The following PSMA6 variants were observed in gnomAD, a reference collection of about 807,000 sequenced individuals.
PSMA6 encodes proteasome subunit alpha type-6.
For missense variants in PSMA6, 170 were observed against 294.8 expected (o/e 0.58, Z 3.10); for synonymous variants, 88 against 97.7 (o/e 0.90, Z 0.59).
At chr14:35,279,277 C>T (rs1185155178) in intron 1 of PSMA6, among the ~76,000 whole-genome samples, 1 of 152,078 alleles carries the variant, frequency 6.6e-6, no homozygotes, top group Non-Finnish European at 1.5e-5. Flanking sequence ...GAACTCCAGA[C>T]CTCAGGTGAT....
At chr14:35,308,732 A>G (rs2051881213) in intron 2 of PSMA6, 182 bp from the exon 3 acceptor site, 2 of 510,422 alleles carry the variant, frequency 3.9e-6, no homozygotes, top group East Asian at 6.9e-5. Context: ...GAGCCCCTCG[A>G]AACTAAAATT....
chr14:35,299,175 C>T (rs1048539698), intron 1 of PSMA6, among the ~76,000 whole-genome samples: 4 of 151,848 alleles, frequency 2.6e-5, no homozygotes, highest in African/African-American at 9.7e-5. Flanking sequence ...TACAGGTATA[C>T]ACCACCATGC....
intron 1 of PSMA6, among the ~76,000 whole-genome samples, chr14:35,293,589 G>T (rs2051528950): frequency 6.6e-6 from 1 of 152,160 alleles, no homozygotes; most frequent in Admixed American, 6.6e-5. Flanking sequence ...TAGAAATAGA[G>T]TTAAAGATAA....
At chr14:35,313,221 T>G in intron 5 of PSMA6, 162 bp downstream of exon 5, 1 of 629,354 alleles carries the variant, frequency 1.6e-6, no homozygotes. Context: ...AAAATTTGAG[T>G]TGCTTTTATT....
At chr14:35,296,211 A>G (rs1394377397) in intron 1 of PSMA6, among the ~76,000 whole-genome samples, 1 of 152,222 alleles carries the variant, frequency 6.6e-6, no homozygotes, top group Non-Finnish European at 1.5e-5. Context: ...TGTAAAATAA[A>G]GATAATAACC....
chr14:35,301,275 C>A (rs10134368), intron 1 of PSMA6, among the ~76,000 whole-genome samples: 2 of 152,066 alleles, frequency 1.3e-5, no homozygotes, highest in African/African-American at 2.4e-5. Flanking sequence ...GAGGCCGAGG[C>A]GGGTGGATCA....
At chr14:35,284,165 C>G (rs1038090757) in intron 1 of PSMA6, among the ~76,000 whole-genome samples, 1 of 152,064 alleles carries the variant, frequency 6.6e-6, no homozygotes, top group South Asian at 2.1e-4. Context: ...TACCCTAATC[C>G]AAAACATTTT....
chr14:35,304,929 T>G (rs2051796016), intron 1 of PSMA6, among the ~76,000 whole-genome samples: 1 of 152,016 alleles, frequency 6.6e-6, no homozygotes, highest in South Asian at 2.1e-4. Flanking sequence ...AAAATTGTTT[T>G]AAATTAGGCA....
intron 1 of PSMA6, among the ~76,000 whole-genome samples, chr14:35,298,444 C>G (rs554554881): frequency 1.5e-4 from 23 of 151,556 alleles, no homozygotes; most frequent in African/African-American, 5.6e-4. Context: ...GAGCTGAGAT[C>G]GCACTGCTGC....
intron 1 of PSMA6, among the ~76,000 whole-genome samples, chr14:35,301,108 G>C (rs2051702557): frequency 6.6e-6 from 1 of 152,158 alleles, no homozygotes. Context: ...GGAAATACCA[G>C]TATTTCAGGA....
chr14:35,314,477 A>T, intron 6 of PSMA6, 22 bp downstream of exon 6: 1 of 1,602,644 alleles, frequency 6.2e-7, no homozygotes, highest in Non-Finnish European at 8.5e-7. Flanking sequence ...TGTGGGCCAC[A>T]TGCAGACTAG....
chr14:35,290,301 T>TA (rs2138709313), upstream of PSMA6, among the ~76,000 whole-genome samples: 1 of 152,100 alleles, frequency 6.6e-6, no homozygotes, highest in South Asian at 2.1e-4. Flanking sequence ...CAGTAGGAAT[T>TA]ACAGTATACC....
chr14:35,314,031 G>A (rs1404256413), intron 5 of PSMA6: 1 of 158,112 alleles, frequency 6.3e-6, no homozygotes, highest in African/African-American at 2.4e-5. Context: ...ATTCCTTGAA[G>A]ATGCAGAGAG....
intron 6 of PSMA6, 50 bp from the exon 7 acceptor site, chr14:35,317,199 T>C (rs1215267808): frequency 6.6e-7 from 1 of 1,513,974 alleles, no homozygotes; most frequent in Non-Finnish European, 9.2e-7. Flanking sequence ...TACGTGTGTT[T>C]GAAAAAATTT....
chr14:35,310,145 T>G, intron 3 of PSMA6: 4 of 416,570 alleles, frequency 9.6e-6, no homozygotes, highest in Non-Finnish European at 1.9e-5. Context: ...AAAAACTAAT[T>G]TAAGCCTAAA....
intron 1 of PSMA6, among the ~76,000 whole-genome samples, chr14:35,301,506 CAAAA>C (rs79173803): frequency 7.7e-5 from 11 of 142,526 alleles, no homozygotes; most frequent in Non-Finnish European, 1.1e-4. Flanking sequence ...GACTCCATCT[CAAAA>C]AAAAAAAAAC....
intron 1 of PSMA6, among the ~76,000 whole-genome samples, chr14:35,296,246 TTTAA>T (rs1446141766): frequency 1.8e-4 from 28 of 152,328 alleles, no homozygotes; most frequent in African/African-American, 6.7e-4. Flanking sequence ...GCTTTAAGGA[TTTAA>T]TTAGTTAATA....
At position 35,313,069 on chromosome 14, in the gene PSMA6, C is replaced by T. The variant is rs1461800899; in HGVS notation, c.588+10C>T. The T allele has an allele frequency of 6.4e-7, 1 of 1,556,478 alleles. No homozygotes were observed. The highest frequency in any genetic ancestry group is 1.4e-5 in the African/African-American group (1 of 70,086). On this transcript the variant is annotated intron_variant, in intron 5 of 6. Transcript: ENST00000261479. ...TGAACAGACAGTGGAAGTAAGTCAA[C>T]CAAAAGGAGCTGACTTTTTTTATGC...
At chr14:35,308,429 A>T (rs1230508844) in intron 2 of PSMA6, 4 of 185,842 alleles carry the variant, frequency 2.2e-5, no homozygotes, top group African/African-American at 9.7e-5. Flanking sequence ...CTCAAAAAAA[A>T]AAAGAAAAAA....
Sources: gnomAD v4.1 joint callset for allele counts (sites outside exome capture counted in the v4.1 genomes callset) on GRCh38, gnomAD v4.1.1 for gene constraint, MANE v1.5 for transcripts, NCBI Gene and HGNC (gene_info 2026-07-23, HGNC 2026-07-21) for gene names.